Variants in INPP4B observed in about 807,000 individuals in gnomAD.
INPP4B encodes the protein inositol polyphosphate 4-phosphatase type II.
Under a neutral mutation model 122.5 loss-of-function variants are expected in INPP4B, and 55 were observed. That is an observed-to-expected ratio of 0.45 (90% CI 0.36 to 0.56). The LOEUF is 0.56. Ranked by LOEUF, INPP4B falls within the 20% of genes least tolerant of loss-of-function variation. The pLI, the probability that INPP4B is intolerant of heterozygous loss-of-function variation, is 0.00. For synonymous variants in INPP4B, 403 were observed against 388.7 expected (o/e 1.04, Z -0.43); for missense variants, 1,000 against 1,097.7 (o/e 0.91, Z 1.26).
chr4:142,756,761 G>A (rs1324127949), intron 1 of INPP4B, among the ~76,000 whole-genome samples: 1 of 152,024 alleles, frequency 6.6e-6, no homozygotes, highest in Non-Finnish European at 1.5e-5. Flanking sequence ...TGCCTATCCA[G>A]AACTAATGAA....
At chr4:142,134,073 T>C (rs1802715570) in intron 18 of INPP4B, among the ~76,000 whole-genome samples, 1 of 152,234 alleles carries the variant, frequency 6.6e-6, no homozygotes. Flanking sequence ...GCCAGTGTTT[T>C]ATCTTTTCTG....
intron 11 of INPP4B, among the ~76,000 whole-genome samples, chr4:142,238,404 T>C (rs1158218233): frequency 6.6e-6 from 1 of 152,132 alleles, no homozygotes; most frequent in Non-Finnish European, 1.5e-5. Flanking sequence ...AAAGCATAAG[T>C]ATGTACACCT....
intron 25 of INPP4B, among the ~76,000 whole-genome samples, chr4:142,072,944 G>A (rs937231216): frequency 6.6e-6 from 1 of 152,040 alleles, no homozygotes; most frequent in Non-Finnish European, 1.5e-5. Context: ...CCACTGCTAA[G>A]AAGTGGAGAA....
At chr4:142,814,986 T>C (rs932775975) in intron 1 of INPP4B, among the ~76,000 whole-genome samples, 1 of 152,076 alleles carries the variant, frequency 6.6e-6, no homozygotes, top group African/African-American at 2.4e-5. Context: ...AACACTACCT[T>C]ATCAGGTGAT....
chr4:142,167,870 C>T (rs915345389), intron 16 of INPP4B, among the ~76,000 whole-genome samples: 1 of 151,508 alleles, frequency 6.6e-6, no homozygotes, highest in African/African-American at 2.4e-5. Flanking sequence ...GAAGACTTTC[C>T]TTTATGATTT....
At chr4:142,452,089 T>C (rs1193698983) in intron 3 of INPP4B, among the ~76,000 whole-genome samples, 4 of 152,188 alleles carry the variant, frequency 2.6e-5, no homozygotes. Context: ...GTGTGTGATT[T>C]TCCCCACCCT....
intron 11 of INPP4B, among the ~76,000 whole-genome samples, chr4:142,256,274 C>T (rs2150308722): frequency 6.6e-6 from 1 of 151,892 alleles, no homozygotes; most frequent in Middle Eastern, 3.4e-3. Context: ...AATCGACACC[C>T]TAACATCACA....
intron 1 of INPP4B, among the ~76,000 whole-genome samples, chr4:142,743,859 G>A (rs1310428052): frequency 6.6e-6 from 1 of 151,744 alleles, no homozygotes; most frequent in Non-Finnish European, 1.5e-5. Flanking sequence ...TGAGTTCAAG[G>A]TGATCATCTA....
intron 3 of INPP4B, among the ~76,000 whole-genome samples, chr4:142,442,556 T>C (rs1812052106): frequency 1.3e-5 from 2 of 152,052 alleles, no homozygotes; most frequent in Middle Eastern, 3.4e-3. Flanking sequence ...ATTTGTCACA[T>C]AGAAGGTACC....
intron 9 of INPP4B, among the ~76,000 whole-genome samples, chr4:142,282,762 G>T (rs145677356): frequency 1.9e-4 from 29 of 152,100 alleles, no homozygotes; most frequent in African/African-American, 6.5e-4. Flanking sequence ...TATTATGCAT[G>T]GTTATCCCAG....
At chr4:142,688,479 T>C (rs963107126) in intron 2 of INPP4B, among the ~76,000 whole-genome samples, 1 of 152,242 alleles carries the variant, frequency 6.6e-6, no homozygotes, top group East Asian at 1.9e-4. Flanking sequence ...TCCTCCCATA[T>C]CCTTTCCTGT....
chr4:142,254,947 C>A (rs1020192052), intron 11 of INPP4B, among the ~76,000 whole-genome samples: 2 of 151,950 alleles, frequency 1.3e-5, no homozygotes, highest in African/African-American at 4.8e-5. Flanking sequence ...TTAAGGGCAG[C>A]CAGAGAGAAA....
intron 14 of INPP4B, among the ~76,000 whole-genome samples, chr4:142,196,687 T>C (rs1838362872): frequency 6.6e-6 from 1 of 152,096 alleles, no homozygotes; most frequent in Non-Finnish European, 1.5e-5. Flanking sequence ...TTTATATGAG[T>C]GGCTGGTCGG....
At chr4:142,426,713 T>C (rs764441065) in intron 5 of INPP4B, 1 of 151,906 alleles carries the variant, frequency 6.6e-6, no homozygotes, top group Non-Finnish European at 1.5e-5. Context: ...AATTATTATA[T>C]AGCAGCACAC....
chr4:142,244,512 C>T (rs1227427562), intron 11 of INPP4B, among the ~76,000 whole-genome samples: 1 of 151,788 alleles, frequency 6.6e-6, no homozygotes, highest in African/African-American at 2.4e-5. Flanking sequence ...ACTGTGTTAG[C>T]CAGGATGGTC....
At chr4:142,528,666 C>G (rs997293732) in intron 2 of INPP4B, among the ~76,000 whole-genome samples, 1 of 152,052 alleles carries the variant, frequency 6.6e-6, no homozygotes, top group Admixed American at 6.6e-5. Flanking sequence ...GATCATGAAC[C>G]AGGATCAGTG....
intron 7 of INPP4B, among the ~76,000 whole-genome samples, chr4:142,347,914 AC>A (rs1006086117): frequency 7.2e-4 from 110 of 152,160 alleles, no homozygotes; most frequent in African/African-American, 2.6e-3. Flanking sequence ...ATTTCCTGAT[AC>A]CCTGAAGGAA....
intron 7 of INPP4B, among the ~76,000 whole-genome samples, chr4:142,395,813 A>C (rs1463554112): frequency 6.6e-6 from 1 of 152,196 alleles, no homozygotes; most frequent in Non-Finnish European, 1.5e-5. Context: ...GGATGCATAC[A>C]TTATTCCAAT....
chr4:142,368,026 C>T (rs777405790), intron 7 of INPP4B, among the ~76,000 whole-genome samples: 2 of 152,132 alleles, frequency 1.3e-5, no homozygotes, highest in Non-Finnish European at 2.9e-5. Context: ...AAAGGCTCAC[C>T]GTTGCCTGAA....
Sources: gnomAD v4.1 joint callset for allele counts (sites outside exome capture counted in the v4.1 genomes callset) on GRCh38, gnomAD v4.1.1 for gene constraint, MANE v1.5 for transcripts, NCBI Gene and HGNC (gene_info 2026-07-23, HGNC 2026-07-21) for gene names.